Variants in DGKK observed in about 807,000 individuals in gnomAD.
DGKK encodes the protein diacylglycerol kinase kappa, also known as 142 kDa diacylglycerol kinase.
In DGKK, 35 loss-of-function variants were observed where a neutral mutation model predicts 92.2. The observed-to-expected ratio is 0.38, with a 90% confidence interval of 0.29 to 0.50. DGKK has a LOEUF of 0.50. DGKK is among the 20% of genes least tolerant of loss of function. The pLI is 0.92. For synonymous variants in DGKK, 368 were observed against 360.6 expected (o/e 1.02, Z -0.23); for missense variants, 910 against 992.2 (o/e 0.92, Z 1.11).
chrX:50,371,629 T>C (rs912456749), intron 26 of DGKK, 95 bp downstream of exon 26: 18 of 626,551 alleles, frequency 2.9e-5, no homozygotes, highest in Admixed American at 8.7e-5. Context: ...GGACCCCCTG[T>C]ACTACAGTCA....
rs1303637717 is a variant in DGKK at position 50,366,524 on chromosome X, A to T, written c.*2416T>A. The T allele has an allele frequency of 8.9e-6, 1 of 111,993 alleles. No homozygotes were observed. Among genetic ancestry groups the T allele is most frequent in the African/African-American group, 3.2e-5 (1 of 30,777 alleles). The allele number at this position is 111,993 out of a possible 1,213,427, so 9.2% of individuals were successfully genotyped here. A position where few individuals can be genotyped will look rare whatever the true frequency, so the allele number is the denominator to read the frequency against. On this transcript the variant is annotated 3_prime_UTR_variant, in exon 28 of 28. Transcript: ENST00000611977. ...GCAGCATCACTGTGCACAAAGACCT[A>T]ATTATTGCAGCAAAGTAAGCACAAG...
chrX:50,382,459 G>A, intron 18 of DGKK, 37 bp downstream of exon 18: 1 of 976,313 alleles, frequency 1.0e-6, no homozygotes, highest in Non-Finnish European at 1.4e-6. Context: ...TTGTGATAGT[G>A]TGTTTGCATG....
intron 16 of DGKK, among the ~76,000 whole-genome samples, 160 bp from the exon 17 acceptor site, chrX:50,384,424 G>T (rs1924488865): frequency 9.0e-6 from 1 of 111,287 alleles, no homozygotes; most frequent in African/African-American, 3.3e-5. Context: ...GATCCTCTTG[G>T]ATGGATAGGG....
Position 50,379,640 on chromosome X carries a change from T to C in DGKK, c.2849A>G (p.Asn950Ser). The C allele has an allele frequency of 2.5e-6, 3 of 1,210,000 alleles. No homozygotes were observed. Among genetic ancestry groups the C allele is most frequent in the Non-Finnish European group, 3.4e-6 (3 of 894,009 alleles). ...YAGGINFWGS[N>S]TATTEYEAPA... is the part of the protein sequence containing the mutation. ...TTCCATACTAACCGTGGTTGCTGTG[T>C]TGCTTCCCCAGAAGTTGATACCTCC... The change falls in exon 20 of 28, where the codon AAC becomes AGC. Residue 950 changes from asparagine to serine, a missense_variant. Asn to Ser is a conservative substitution (Grantham distance 46). Transcript: ENST00000611977.
intron 18 of DGKK, among the ~76,000 whole-genome samples, chrX:50,382,044 C>A (rs1557224491): frequency 9.0e-6 from 1 of 111,720 alleles, no homozygotes; most frequent in African/African-American, 3.3e-5. Flanking sequence ...CAGGCCAACA[C>A]TGGATAGGGT....
chrX:50,400,966 T>C (rs1006888649), intron 8 of DGKK, 71 bp downstream of exon 8: 1 of 978,248 alleles, frequency 1.0e-6, no homozygotes, highest in African/African-American at 1.9e-5. Context: ...TTAATTGCAG[T>C]GCTTCTTCCC....
Position 50,378,099 on chromosome X carries a change from C to T in DGKK, c.3110G>A (p.Arg1037Gln), listed in dbSNP as rs782556247. Residue 1037 changes from arginine (R) to glutamine (Q), a missense_variant and splice_region_variant, in exon 22 of 28, where the codon CGG becomes CAG. Arg to Gln is a conservative substitution (Grantham distance 43). Coordinates refer to ENST00000611977, the MANE Select transcript of DGKK (RefSeq NM_001013742.4). ...CCAAGACAAGATTTTCCCCCTTACC[C>T]GATCTCTTGTCAGCATCTGGGCAGC... ...KNAAQMLTRDRDFENSMKMWE... is the reference protein window; with the variant it reads ...KNAAQMLTRDQDFENSMKMWE... 72 of 1,205,394 alleles carry T rather than the reference C, an allele frequency of 6.0e-5. No individual in the cohort carries two copies. The highest frequency in any genetic ancestry group is 7.2e-5 in the Non-Finnish European group (64 of 893,475).
At chrX:50,447,345 A>T (rs868910745) in intron 1 of DGKK, among the ~76,000 whole-genome samples, 5 of 11,670 alleles carry the variant, frequency 4.3e-4, no homozygotes, top group African/African-American at 8.3e-4. Context: ...TATATATATT[A>T]TATATATATA....
At chrX:50,450,405 C>A (rs927176573) in intron 1 of DGKK, among the ~76,000 whole-genome samples, 2 of 112,001 alleles carry the variant, frequency 1.8e-5, no homozygotes, top group Non-Finnish European at 3.8e-5. Context: ...TGCTGCCCTG[C>A]CTTTTTTATC....
intron 8 of DGKK, among the ~76,000 whole-genome samples, chrX:50,396,190 A>G (rs1276113277): frequency 1.8e-5 from 2 of 112,117 alleles, no homozygotes; most frequent in African/African-American, 6.5e-5. Flanking sequence ...TATACTGTGA[A>G]GGAGAAAAAG....
In DGKK at chrX:50,393,304, A is replaced by T. The variant is rs1371637572; in HGVS notation, c.1443T>A (p.Asn481Lys). ...GQLVVSSDFW[N>K]LDWSSACSCP... is the part of the protein sequence containing the mutation. ...ATGAACAGGCTGATGACCAATCAAGATTCCAGAAGTCTGAAGATACTACTA... is the reference window on the plus strand; with the variant it reads ...ATGAACAGGCTGATGACCAATCAAGTTTCCAGAAGTCTGAAGATACTACTA... Residue 481 changes from asparagine (N) to lysine (K), a missense_variant, in exon 9 of 28, where the codon AAT becomes AAA. By Grantham distance (94) the Asn-to-Lys change is moderately conservative. Coordinates refer to ENST00000611977, the MANE Select transcript of DGKK (RefSeq NM_001013742.4). 4.1e-6 allele frequency: 5 copies of T among 1,208,433 alleles called. No individual in the cohort carries two copies. The Admixed American group carries it at 8.8e-5, about 21-fold the overall frequency.
At chrX:50,469,054 C>T (rs1926984205) in intron 1 of DGKK, among the ~76,000 whole-genome samples, 1 of 111,064 alleles carries the variant, frequency 9.0e-6, no homozygotes, top group Admixed American at 9.5e-5. Context: ...GACGGGGTTT[C>T]AGGGTCCAAG....
intron 4 of DGKK, among the ~76,000 whole-genome samples, chrX:50,415,458 T>C (rs1052725795): frequency 5.4e-5 from 6 of 112,066 alleles, no homozygotes; most frequent in Non-Finnish European, 9.4e-5. Context: ...CACTGGGAAC[T>C]GTGGCTTGCT....
chrX:50,381,143 G>A (rs988053892), intron 18 of DGKK, among the ~76,000 whole-genome samples: 3 of 111,814 alleles, frequency 2.7e-5, no homozygotes, highest in South Asian at 3.8e-4. Context: ...GTGCCAACAC[G>A]ATTCACTGGG....
At chrX:50,392,638 C>G (rs183838892) in intron 9 of DGKK, among the ~76,000 whole-genome samples, 189 bp from the exon 10 acceptor site, 37 of 112,388 alleles carry the variant, frequency 3.3e-4, no homozygotes, top group African/African-American at 1.0e-3. Context: ...CAGGCTTTGC[C>G]TCAACTCATT....
intron 8 of DGKK, among the ~76,000 whole-genome samples, chrX:50,394,417 C>T (rs1230264609): frequency 1.8e-5 from 2 of 111,772 alleles, no homozygotes; most frequent in African/African-American, 6.5e-5. Flanking sequence ...CCTAAGCCAG[C>T]TAGCCAGTCA....
intron 4 of DGKK, among the ~76,000 whole-genome samples, chrX:50,410,590 TC>T (rs1925278788): frequency 1.8e-5 from 2 of 111,656 alleles, no homozygotes; most frequent in Admixed American, 9.5e-5. Context: ...ACTACAGAAA[TC>T]CAACTGGCAA....
intron 1 of DGKK, among the ~76,000 whole-genome samples, chrX:50,438,534 T>C (rs1557230999): frequency 8.9e-6 from 1 of 111,854 alleles, no homozygotes; most frequent in Non-Finnish European, 1.9e-5. Flanking sequence ...CACTCTTTCC[T>C]GGAAAGTGGG....
chrX:50,376,730 A>T, intron 23 of DGKK, 28 bp downstream of exon 23: 1 of 1,124,920 alleles, frequency 8.9e-7, no homozygotes, highest in Non-Finnish European at 1.2e-6. Context: ...TAGGATTCTC[A>T]GCCCTGTATC....
Sources: allele counts gnomAD v4.1 joint callset (sites outside exome capture counted in the v4.1 genomes callset), GRCh38; gene constraint gnomAD v4.1.1; transcripts MANE v1.5; gene names NCBI Gene and HGNC (gene_info 2026-07-23, HGNC 2026-07-21).